MED12L: variants seen among roughly 807,000 people sequenced by gnomAD.
The protein encoded by MED12L is mediator complex subunit 12L.
A neutral mutation model predicts 281.3 loss-of-function variants in MED12L; 60 were observed. The observed-to-expected ratio is 0.21, with a 90% confidence interval of 0.17 to 0.26. The LOEUF is 0.26. Ranked by LOEUF, MED12L falls within the 10% of genes least tolerant of loss-of-function variation. The probability of loss-of-function intolerance (pLI) is 1.00; values close to 1 mark genes in which losing one functional copy is unlikely to be tolerated. For missense variants in MED12L, 2,146 were observed against 2,680.9 expected (o/e 0.80, Z 4.41); for synonymous variants, 974 against 987.2 (o/e 0.99, Z 0.25).
intron 16 of MED12L, among the ~76,000 whole-genome samples, chr3:151,302,952 C>T (rs1453101544): frequency 6.6e-6 from 1 of 152,110 alleles, no homozygotes; most frequent in Non-Finnish European, 1.5e-5. Flanking sequence ...TGTACCCGAA[C>T]TGAGGGGAAG....
At chr3:151,203,122 A>T (rs944488522) in intron 16 of MED12L, 28 of 152,222 alleles carry the variant, frequency 1.8e-4, no homozygotes, top group African/African-American at 6.8e-4. Flanking sequence ...ATCTTCTGTG[A>T]GCCTCAGCAA....
intron 5 of MED12L, among the ~76,000 whole-genome samples, chr3:151,150,960 T>C (rs1357825832): frequency 6.6e-6 from 1 of 151,370 alleles, no homozygotes; most frequent in Non-Finnish European, 1.5e-5. Flanking sequence ...CTATCCAGAC[T>C]GCTGAAACTT....
chr3:151,289,257 G>A (rs1036574055), intron 16 of MED12L, among the ~76,000 whole-genome samples: 2 of 152,166 alleles, frequency 1.3e-5, no homozygotes, highest in Non-Finnish European at 2.9e-5. Context: ...AAGTGATGCT[G>A]ACAAGAAACT....
intron 38 of MED12L, among the ~76,000 whole-genome samples, chr3:151,390,526 A>G (rs1303265798): frequency 6.6e-6 from 1 of 152,218 alleles, no homozygotes; most frequent in African/African-American, 2.4e-5. Flanking sequence ...CAGCTAAGAA[A>G]ATTGGTTCAG....
rs371833156 is a variant in MED12L, at chr3:151,413,272, C to T, written c.6274C>T (p.Arg2092Ter). The T allele has an allele frequency of 1.9e-6, 3 of 1,614,076 alleles. No homozygotes were observed. The highest frequency in any genetic ancestry group is 1.7e-6 in the Non-Finnish European group (2 of 1,179,980). Residue 2092 changes from arginine (R) to a stop codon, truncating the protein, a stop_gained, in exon 42 of 45, where the codon CGA becomes TGA. Transcript: ENST00000687756. LOFTEE classifies it high-confidence loss of function. ...DPMRPRQPQV[R>*]QQQRLLQMQQ... ...CATGAGACCCAGACAGCCGCAAGTTCGACAGCAGCAGAGACTCCTCCAGGT... is the reference window on the plus strand; with the variant it reads ...CATGAGACCCAGACAGCCGCAAGTTTGACAGCAGCAGAGACTCCTCCAGGT...
In MED12L at chr3:151,376,730, A is replaced by T. The variant is rs1756903516; in HGVS notation, c.4054-70A>T. 13 of 1,224,672 alleles carry T rather than the reference A, an allele frequency of 1.1e-5. No individual in the cohort carries two copies. The Admixed American group carries it at 1.4e-4, about 13-fold the overall frequency. The allele number at this position is 1,224,672 out of a possible 1,614,324, so 75.9% of individuals were successfully genotyped here. A position where few individuals can be genotyped will look rare whatever the true frequency, so the allele number is the denominator to read the frequency against. Reference sequence around the variant, plus strand: ...TCTGCTCTTTCTTGAGAGAAGGAGTACTGTAAGAAATTACTGTATTTTAAC... The same window carrying T: ...TCTGCTCTTTCTTGAGAGAAGGAGTTCTGTAAGAAATTACTGTATTTTAAC... On this transcript the variant is annotated intron_variant, in intron 28 of 44. Coordinates refer to ENST00000687756, the MANE Select transcript of MED12L (RefSeq NM_001393769.1).
chr3:151,168,476 C>T (rs1720995280), intron 11 of MED12L, among the ~76,000 whole-genome samples: 1 of 152,094 alleles, frequency 6.6e-6, no homozygotes, highest in South Asian at 2.1e-4. Context: ...CACCAGAGGG[C>T]GACATGTGCT....
intron 5 of MED12L, among the ~76,000 whole-genome samples, chr3:151,141,720 A>G (rs183987001): frequency 2.9e-4 from 44 of 152,288 alleles, no homozygotes; most frequent in Admixed American, 1.5e-3. Context: ...GTTATCTTCC[A>G]TCTTCCTCTT....
chr3:151,223,184 A>AAAAC (rs1729750681), intron 16 of MED12L, among the ~76,000 whole-genome samples: 2 of 151,102 alleles, frequency 1.3e-5, no homozygotes, highest in Non-Finnish European at 2.9e-5. Flanking sequence ...CCAAAAAAAA[A>AAAAC]AAAAAACTAG....
intron 12 of MED12L, among the ~76,000 whole-genome samples, chr3:151,186,310 A>G (rs1359264887): frequency 6.6e-6 from 1 of 152,110 alleles, no homozygotes; most frequent in Non-Finnish European, 1.5e-5. Flanking sequence ...ACTTTGAGGC[A>G]TCTTACCTCA....
intron 16 of MED12L, among the ~76,000 whole-genome samples, chr3:151,230,185 A>G (rs191801025): frequency 2.1e-3 from 314 of 152,228 alleles, no homozygotes; most frequent in Middle Eastern, 0.01. Context: ...CGTGTTAGCC[A>G]GGATTGTCTT....
intron 2 of MED12L, among the ~76,000 whole-genome samples, chr3:151,096,798 G>A (rs1483057360): frequency 6.6e-6 from 1 of 152,228 alleles, no homozygotes; most frequent in Non-Finnish European, 1.5e-5. Flanking sequence ...AAGCACTTGT[G>A]TGCCCTGATT....
intron 16 of MED12L, among the ~76,000 whole-genome samples, chr3:151,311,565 G>A (rs1747520238): frequency 6.6e-6 from 1 of 152,080 alleles, no homozygotes; most frequent in Non-Finnish European, 1.5e-5. Flanking sequence ...CCTAATGCAA[G>A]CCATTATCCT....
intron 36 of MED12L, among the ~76,000 whole-genome samples, chr3:151,386,180 T>C (rs935157654): frequency 1.3e-5 from 2 of 152,168 alleles, no homozygotes; most frequent in Non-Finnish European, 2.9e-5. Flanking sequence ...AGCCTGAGAA[T>C]CTAATACCAG....
chr3:151,334,192 C>CTTTTTTTTGTTTTTTTTTTTTTTT (rs71848482), intron 16 of MED12L, among the ~76,000 whole-genome samples: 1 of 99,450 alleles, frequency 1.0e-5, no homozygotes. Context: ...TTCTTTCTTT[C>CTTTTTTTTGTTTTTTTTTTTTTTT]TTTCTTTTTT....
At chr3:151,210,745 A>G (rs1219785371) in intron 16 of MED12L, among the ~76,000 whole-genome samples, 1 of 152,242 alleles carries the variant, frequency 6.6e-6, no homozygotes, top group Non-Finnish European at 1.5e-5. Flanking sequence ...TGCCCCAGCA[A>G]TGGAAAAACT....
intron 13 of MED12L, among the ~76,000 whole-genome samples, chr3:151,190,449 G>A (rs1000398749): frequency 5.3e-5 from 8 of 152,090 alleles, no homozygotes; most frequent in Admixed American, 2.0e-4. Flanking sequence ...TGGGATTACA[G>A]GTGTGAGCCA....
chr3:151,375,885 A>T, intron 27 of MED12L, 141 bp from the exon 28 acceptor site: 1 of 479,140 alleles, frequency 2.1e-6, no homozygotes, highest in Non-Finnish European at 3.3e-6. Flanking sequence ...AAATTTTTCT[A>T]CCTACTTTTT....
intron 16 of MED12L, among the ~76,000 whole-genome samples, chr3:151,311,267 G>A (rs1747457413): frequency 6.6e-6 from 1 of 151,990 alleles, no homozygotes; most frequent in Non-Finnish European, 1.5e-5. Flanking sequence ...GTATTGTACT[G>A]TTGGCTCTAG....
Sources: allele counts gnomAD v4.1 joint callset (sites outside exome capture counted in the v4.1 genomes callset), GRCh38; gene constraint gnomAD v4.1.1; transcripts MANE v1.5; gene names NCBI Gene and HGNC (gene_info 2026-07-23, HGNC 2026-07-21).